ALG9: variants seen among roughly 807,000 people sequenced by gnomAD.
The protein encoded by ALG9 is ALG9 alpha-1,2-mannosyltransferase.
ALG9 carries 55 observed loss-of-function variants against 81.8 expected under a neutral mutation model. That is an observed-to-expected ratio of 0.67 (90% CI 0.54 to 0.84). The LOEUF (loss-of-function observed/expected upper bound fraction) is 0.84. Among genes scored for constraint, ALG9 ranks in the 40% least tolerant of loss-of-function variants. ALG9 has a pLI of 0.00. For missense variants in ALG9, 629 were observed against 745.0 expected (o/e 0.84, Z 1.81); for synonymous variants, 278 against 274.3 (o/e 1.01, Z -0.13).
chr11:111,843,766 C>T (rs188924758), intron 9 of ALG9, among the ~76,000 whole-genome samples: 53 of 152,148 alleles, frequency 3.5e-4, no homozygotes, highest in South Asian at 2.3e-3. Context: ...GCAAAGCAAA[C>T]GACAAACCAA....
intron 4 of ALG9, among the ~76,000 whole-genome samples, chr11:111,863,580 A>G (rs1961138260): frequency 6.6e-6 from 1 of 152,238 alleles, no homozygotes; most frequent in South Asian, 2.1e-4. Context: ...AAGATTTTAA[A>G]TAATGATCAC....
intron 12 of ALG9, 109 bp downstream of exon 12, chr11:111,837,359 A>G (rs930635533): frequency 2.5e-5 from 33 of 1,318,914 alleles, no homozygotes; most frequent in African/African-American, 1.0e-4. Context: ...AGATAATTCA[A>G]TAACTCTCTG....
intron 8 of ALG9, among the ~76,000 whole-genome samples, chr11:111,852,144 T>C (rs188337066): frequency 1.5e-4 from 23 of 152,320 alleles, no homozygotes; most frequent in Admixed American, 5.2e-4. Flanking sequence ...AAGACTTAAA[T>C]TGACAGGAGT....
At position 111,868,805 on chromosome 11, in the gene ALG9, A is replaced by T. The variant is rs1007451121; in HGVS notation, c.271-69T>A. On this transcript the variant is annotated intron_variant, in intron 2 of 14. Transcript: ENST00000616540. ...AATCTCTGTTAAGCAGATGCAAGTGAAGTTTCTGAGCAGAAATATTAAAAA... is the reference window on the plus strand; with the variant it reads ...AATCTCTGTTAAGCAGATGCAAGTGTAGTTTCTGAGCAGAAATATTAAAAA... 2.8e-5 allele frequency: 41 copies of T among 1,448,872 alleles called. No individual in the cohort carries two copies. In the African/African-American group the frequency reaches 3.7e-4, roughly 13 times the overall value. The allele number at this position is 1,448,872 out of a possible 1,614,324, so 89.8% of individuals were successfully genotyped here. A position where few individuals can be genotyped will look rare whatever the true frequency, so the allele number is the denominator to read the frequency against.
chr11:111,775,389 G>T, the ALG9 span, among the ~76,000 whole-genome samples: 1 of 152,110 alleles, frequency 6.6e-6, no homozygotes, highest in African/African-American at 2.4e-5. Flanking sequence ...AATCCAGCTG[G>T]GACTGTAATC....
At chr11:111,829,789 A>C (rs1304813004) in intron 13 of ALG9, among the ~76,000 whole-genome samples, 1 of 152,022 alleles carries the variant, frequency 6.6e-6, no homozygotes, top group African/African-American at 2.4e-5. Flanking sequence ...CATCATCTCA[A>C]CTCTCAAACA....
intron 5 of ALG9, among the ~76,000 whole-genome samples, chr11:111,858,388 A>G (rs1592349011): frequency 6.6e-6 from 1 of 152,228 alleles, no homozygotes; most frequent in Admixed American, 6.5e-5. Context: ...TATGCTTTAA[A>G]AGACTTAGAG....
At chr11:111,771,518 C>A in the ALG9 span, 3 of 152,326 alleles carry the variant, frequency 2.0e-5, no homozygotes, top group African/African-American at 7.2e-5. Context: ...CAAATAGGTT[C>A]TCATTCAAAT....
chr11:111,836,490 A>G (rs1389505568), intron 12 of ALG9, among the ~76,000 whole-genome samples, 196 bp from the exon 13 acceptor site: 1 of 152,212 alleles, frequency 6.6e-6, no homozygotes, highest in Non-Finnish European at 1.5e-5. Context: ...TTATAATTAG[A>G]TGTCTCTTGA....
Position 111,822,100 on chromosome 11 carries a change from A to T in ALG9, c.1603-12327T>A, listed in dbSNP as rs185787903. On this transcript the variant is annotated intron_variant, in intron 13 of 14. Transcript: ENST00000616540. ...TAATGCTCCAAAATGACAGCAATAG[A>T]AAAACAGACTATAATAATGCTCTGT... Among the ~76,000 whole-genome samples, 67 of 152,310 alleles carry T rather than the reference A, an allele frequency of 4.4e-4. No individual in the cohort carries two copies. In the East Asian group the frequency reaches 0.011, roughly 25 times the overall value.
In ALG9 at chr11:111,868,605, A is replaced by G. The variant is rs1555155445; in HGVS notation, c.402T>C (p.Asn134=). 1.2e-6 allele frequency: 2 copies of G among 1,613,880 alleles called. No homozygotes were observed. Among genetic ancestry groups the G allele is most frequent in the Middle Eastern group, 1.6e-4 (1 of 6,062 alleles). Residue 134 remains asparagine (N), a synonymous_variant, in exon 3 of 15, where the codon AAT becomes AAC. Transcript: ENST00000616540. ...AAFHARILQT[N]KILVFYFLRC... is the part of the protein sequence containing the mutation. Reference sequence around the variant, plus strand: ...TTCCAGGTTGGTCTGCCCTTACCTTATTAGTTTGTAGAATTCTTGCATGAA... The same window carrying G: ...TTCCAGGTTGGTCTGCCCTTACCTTGTTAGTTTGTAGAATTCTTGCATGAA...
At chr11:111,829,085 T>C (rs116160875) in intron 13 of ALG9, 6 of 152,296 alleles carry the variant, frequency 3.9e-5, no homozygotes, top group African/African-American at 1.4e-4. Flanking sequence ...AAATTTATTC[T>C]CTCAATTTTA....
Position 111,870,382 on chromosome 11 carries a change from C to CAAAAAAAAAAAAAA in ALG9, c.132-26_132-13dup. 4.1e-6 allele frequency: 4 copies of CAAAAAAAAAAAAAA among 973,962 alleles called. No individual in the cohort carries two copies. The highest frequency in any genetic ancestry group is 5.0e-6 in the Non-Finnish European group (4 of 803,390). 60.3% of individuals were successfully genotyped at this position (973,962 alleles called of 1,614,324 possible). On this transcript the variant is annotated splice_polypyrimidine_tract_variant and intron_variant, in intron 1 of 14. Transcript: ENST00000616540. ...TGTTCCCAGATAACCTGTTCAAAAG[C>CAAAAAAAAAAAAAA]AAAAAAAAAAAAAAAAAAAAAAGCA...
At chr11:111,865,865 C>T (rs1156904571) in intron 3 of ALG9, among the ~76,000 whole-genome samples, 1 of 142,514 alleles carries the variant, frequency 7.0e-6, no homozygotes, top group Non-Finnish European at 1.5e-5. Context: ...TGTTATGTGG[C>T]TTTATTAATT....
chr11:111,774,023 G>A, the ALG9 span, among the ~76,000 whole-genome samples: 1 of 139,182 alleles, frequency 7.2e-6, no homozygotes, highest in Non-Finnish European at 1.5e-5. Flanking sequence ...GCCTCCCAAA[G>A]TGCTGGGATT....
At chr11:111,772,961 G>A in the ALG9 span, among the ~76,000 whole-genome samples, 4 of 152,076 alleles carry the variant, frequency 2.6e-5, no homozygotes, top group African/African-American at 9.7e-5. Context: ...TATTTAGGCC[G>A]GGTGCGGTGG....
intron 10 of ALG9, among the ~76,000 whole-genome samples, chr11:111,839,472 C>T (rs1955863037): frequency 6.6e-6 from 1 of 151,468 alleles, no homozygotes; most frequent in Non-Finnish European, 1.5e-5. Flanking sequence ...GTAGTCCCAG[C>T]TACCCGGGGG....
chr11:111,856,945 A>T (rs1054070971), intron 6 of ALG9, among the ~76,000 whole-genome samples: 2 of 152,052 alleles, frequency 1.3e-5, no homozygotes, highest in African/African-American at 4.8e-5. Context: ...TGTCTCTACT[A>T]AAAAATACAA....
In ALG9 at chr11:111,786,086, T is replaced by C; in HGVS notation, c.*311A>G. 1 of 468,706 alleles carries C rather than the reference T, an allele frequency of 2.1e-6. No homozygotes were observed. The highest frequency in any genetic ancestry group is 1.5e-5 in the South Asian group (1 of 64,698). 29.0% of individuals were successfully genotyped at this position (468,706 alleles called of 1,614,324 possible). A position where few individuals can be genotyped will look rare whatever the true frequency, so the allele number is the denominator to read the frequency against. On this transcript the variant is annotated 3_prime_UTR_variant, in exon 15 of 15. Transcript: ENST00000616540. ...TTCTTCCTGTAAGTTGGTTCTGCTC[T>C]TCTCCGGTCTAGTAAATAATTGAAC...
Sources: gnomAD v4.1 joint callset for allele counts (sites outside exome capture counted in the v4.1 genomes callset) on GRCh38, gnomAD v4.1.1 for gene constraint, MANE v1.5 for transcripts, NCBI Gene and HGNC (gene_info 2026-07-23, HGNC 2026-07-21) for gene names.